The following REDIC1 variants were observed in gnomAD, a reference collection of about 807,000 sequenced individuals.
REDIC1 encodes the protein HEI10 Interacting Protein 1.
At chr12:39,887,328 T>C in the REDIC1 span, among the ~76,000 whole-genome samples, 3 of 152,166 alleles carry the variant, frequency 2.0e-5, no homozygotes, top group Non-Finnish European at 4.4e-5. Flanking sequence ...CTGTTACAAG[T>C]TATATCCCAA....
the REDIC1 span, among the ~76,000 whole-genome samples, chr12:39,766,870 A>G: frequency 6.6e-6 from 1 of 152,068 alleles, no homozygotes; most frequent in Non-Finnish European, 1.5e-5. Context: ...TCGCTTCTAC[A>G]ATAGTTCTCT....
chr12:39,630,646 A>T, the REDIC1 span, among the ~76,000 whole-genome samples: 1 of 152,346 alleles, frequency 6.6e-6, no homozygotes, highest in Middle Eastern at 3.4e-3. Context: ...AAAAATAAAT[A>T]ATGTGAACCA....
the REDIC1 span, chr12:39,682,627 T>G: frequency 6.3e-7 from 1 of 1,580,722 alleles, no homozygotes; most frequent in Non-Finnish European, 8.6e-7. Flanking sequence ...AAATAGGAAT[T>G]TACTTACTAA....
chr12:39,809,541 A>G, the REDIC1 span, among the ~76,000 whole-genome samples: 1 of 152,186 alleles, frequency 6.6e-6, no homozygotes, highest in Non-Finnish European at 1.5e-5. Flanking sequence ...GTTTTAGGGT[A>G]CATGTGCACA....
the REDIC1 span, among the ~76,000 whole-genome samples, chr12:39,666,652 TC>T: frequency 1.1e-4 from 16 of 152,188 alleles, no homozygotes; most frequent in Admixed American, 2.0e-4. Flanking sequence ...TACCAGCTCC[TC>T]CTTGTACCTT....
chr12:39,844,244 TG>T, the REDIC1 span, among the ~76,000 whole-genome samples: 7 of 152,102 alleles, frequency 4.6e-5, no homozygotes, highest in African/African-American at 1.7e-4. Context: ...TTCTACTTAT[TG>T]AGAACTTTTA....
At chr12:39,701,082 A>G in the REDIC1 span, among the ~76,000 whole-genome samples, 1 of 134,938 alleles carries the variant, frequency 7.4e-6, no homozygotes, top group Non-Finnish European at 1.6e-5. Flanking sequence ...ATTCACACAT[A>G]ACAATATTAA....
At chr12:39,753,742 C>T in the REDIC1 span, among the ~76,000 whole-genome samples, 1 of 152,148 alleles carries the variant, frequency 6.6e-6, no homozygotes, top group Admixed American at 6.6e-5. Context: ...TAACAGTTAT[C>T]CAGTCCTTAC....
the REDIC1 span, chr12:39,646,942 C>T: frequency 2.1e-5 from 25 of 1,173,780 alleles, no homozygotes; most frequent in Non-Finnish European, 3.0e-5. Context: ...GATATGCTAC[C>T]TAATGATCTA....
At chr12:39,752,062 T>G in the REDIC1 span, among the ~76,000 whole-genome samples, 1 of 151,868 alleles carries the variant, frequency 6.6e-6, no homozygotes, top group East Asian at 1.9e-4. Context: ...AAAAAGAAAT[T>G]TGTTGATCAC....
the REDIC1 span, among the ~76,000 whole-genome samples, chr12:39,818,987 A>T: frequency 6.6e-6 from 1 of 152,176 alleles, no homozygotes; most frequent in African/African-American, 2.4e-5. Context: ...CAAAAACTCA[A>T]TGTTAAACGA....
the REDIC1 span, chr12:39,692,293 A>AAT: frequency 1.2e-5 from 6 of 510,010 alleles, no homozygotes; most frequent in Non-Finnish European, 1.9e-5. Context: ...AATATACATG[A>AAT]GTACATTAAT....
At chr12:39,847,271 A>G in the REDIC1 span, among the ~76,000 whole-genome samples, 1 of 138,858 alleles carries the variant, frequency 7.2e-6, no homozygotes, top group Non-Finnish European at 1.6e-5. Flanking sequence ...AAAGATTGCT[A>G]GTGGCCTATC....
chr12:39,846,669 C>A, the REDIC1 span, among the ~76,000 whole-genome samples: 1 of 152,104 alleles, frequency 6.6e-6, no homozygotes, highest in South Asian at 2.1e-4. Flanking sequence ...CCAGGCTGCT[C>A]TTGAACTCCT....
chr12:39,717,823 C>G, the REDIC1 span, among the ~76,000 whole-genome samples: 1 of 152,048 alleles, frequency 6.6e-6, no homozygotes, highest in East Asian at 1.9e-4. Context: ...TCTGGCACTG[C>G]TTCTTTTATG....
the REDIC1 span, among the ~76,000 whole-genome samples, chr12:39,882,452 C>A: frequency 6.6e-6 from 1 of 152,194 alleles, no homozygotes; most frequent in Non-Finnish European, 1.5e-5. Context: ...CTACCTATAT[C>A]CAGTTATTCT....
At chr12:39,900,512 G>A in the REDIC1 span, among the ~76,000 whole-genome samples, 897 of 151,992 alleles carry the variant, frequency 5.9e-3, 6 homozygotes, top group Middle Eastern at 0.017. Flanking sequence ...AAATCAATGT[G>A]CAAAAATCAC....
At chr12:39,871,521 CT>C in the REDIC1 span, among the ~76,000 whole-genome samples, 1 of 151,796 alleles carries the variant, frequency 6.6e-6, no homozygotes, top group African/African-American at 2.4e-5. Context: ...ACTTTTGTAC[CT>C]TTGAGTGGAA....
At chr12:39,842,675 A>C in the REDIC1 span, among the ~76,000 whole-genome samples, 1 of 152,054 alleles carries the variant, frequency 6.6e-6, no homozygotes, top group South Asian at 2.1e-4. Context: ...TAAAGCTTGC[A>C]GTTTAGTAAA....
Sources: allele counts gnomAD v4.1 joint callset (sites outside exome capture counted in the v4.1 genomes callset), GRCh38; gene constraint gnomAD v4.1.1; transcripts MANE v1.5; gene names NCBI Gene and HGNC (gene_info 2026-07-23, HGNC 2026-07-21).